CRLF2: variants seen among roughly 807,000 people sequenced by gnomAD.
CRLF2 encodes the protein cytokine receptor-like factor 2.
In CRLF2, 41 loss-of-function variants were observed where a neutral mutation model predicts 38.7. The observed-to-expected ratio is 1.06, with a 90% CI of 0.83 to 1.37. The LOEUF (loss-of-function observed/expected upper bound fraction) is 1.37, where lower values mean the gene tolerates loss of function less well. Among genes scored for constraint, CRLF2 ranks in the 40% most tolerant of loss-of-function variants. The probability of loss-of-function intolerance (pLI) is 0.00; values close to 1 mark genes in which losing one functional copy is unlikely to be tolerated. For missense variants in CRLF2, 377 were observed against 322.2 expected (o/e 1.17, Z -1.30); for synonymous variants, 140 against 128.8 (o/e 1.09, Z -0.59).
intron 6 of CRLF2, among the ~76,000 whole-genome samples, chrX:1,194,297 A>AT (rs1383558428): frequency 1.3e-5 from 2 of 151,084 alleles, no homozygotes; most frequent in African/African-American, 2.4e-5. Flanking sequence ...CTCAAAAAAA[A>AT]CAAAATATAC....
chrX:1,209,265 C>CGTATTGTATT (rs1476536872), intron 1 of CRLF2, among the ~76,000 whole-genome samples: 1 of 146,634 alleles, frequency 6.8e-6, no homozygotes, highest in Non-Finnish European at 1.5e-5. Flanking sequence ...CCGCGCCTGA[C>CGTATTGTATT]GTATTGTATT....
chrX:1,194,319 G>C (rs1480575582), intron 6 of CRLF2, among the ~76,000 whole-genome samples: 2 of 151,094 alleles, frequency 1.3e-5, no homozygotes, highest in African/African-American at 4.9e-5. Flanking sequence ...AAAATTAGCC[G>C]GGTGTGGTGG....
At chrX:1,192,482 G>A (rs2086401862) in intron 7 of CRLF2, among the ~76,000 whole-genome samples, 1 of 151,808 alleles carries the variant, frequency 6.6e-6, no homozygotes, top group Non-Finnish European at 1.5e-5. Context: ...CAGGTGTGGT[G>A]GCGGGCGCCT....
Position 1,212,416 on chromosome X carries a change from C to CGG in CRLF2, c.79+138_79+139dup, listed in dbSNP as rs1556427506. ...CTGAGGCAGGAGAATTGCTTGAACC[C>CGG]GGAAAAAAAAAAAAAAAAAAAAGAA... On this transcript the variant is annotated intron_variant, in intron 1 of 7. Coordinates refer to ENST00000400841, the MANE Select transcript of CRLF2 (RefSeq NM_022148.4). 1.2e-5 allele frequency: 7 copies of CGG among 563,710 alleles called. No individual in the cohort carries two copies. In the East Asian group the frequency reaches 2.1e-4, roughly 17 times the overall value. 34.9% of individuals were successfully genotyped at this position (563,710 alleles called of 1,614,324 possible). A position where few individuals can be genotyped will look rare whatever the true frequency, so the allele number is the denominator to read the frequency against.
chrX:1,192,141 C>T (rs1388168380), intron 7 of CRLF2, among the ~76,000 whole-genome samples: 13 of 131,122 alleles, frequency 9.9e-5, no homozygotes, highest in Non-Finnish European at 2.0e-4. Flanking sequence ...GGAGGTGGAG[C>T]TTGCAGTGAG....
At chrX:1,210,863 G>A (rs1459023797) in intron 1 of CRLF2, among the ~76,000 whole-genome samples, 4 of 152,184 alleles carry the variant, frequency 2.6e-5, no homozygotes, top group Non-Finnish European at 4.4e-5. Flanking sequence ...GAAGACAAGT[G>A]GATGGGTGGG....
intron 4 of CRLF2, among the ~76,000 whole-genome samples, chrX:1,201,638 T>C (rs1478134175): frequency 1.6e-4 from 23 of 144,522 alleles, no homozygotes; most frequent in Non-Finnish European, 3.2e-4. Context: ...GAGAGATAAA[T>C]AGATGATACA....
At chrX:1,212,530 C>G (rs770850749) in intron 1 of CRLF2, 26 bp downstream of exon 1, 5 of 1,577,618 alleles carry the variant, frequency 3.2e-6, no homozygotes, top group Non-Finnish European at 4.3e-6. Context: ...CAAAATACAA[C>G]AAGAAGAGGG....
rs1218430875 is a variant in CRLF2 at position 1,191,088 on chromosome X, C to T, written c.925G>A (p.Glu309Lys). The T allele has an allele frequency of 5.8e-4, 231 of 398,504 alleles. No individual in the cohort carries two copies. Among genetic ancestry groups the T allele is most frequent in the Non-Finnish European group, 8.3e-4 (187 of 226,126 alleles). The allele number at this position is 398,504 out of a possible 1,614,324, so 24.7% of individuals were successfully genotyped here. ...MAGAEQESGPEEPLVVQLAKT... is the reference protein window; with the variant it reads ...MAGAEQESGPKEPLVVQLAKT... Reference sequence around the variant, plus strand: ...GCCAACTGGACTACCAGGGGCTCCTCGGGGCCACTTTCTTGCTCTGCACCT... The same window carrying T: ...GCCAACTGGACTACCAGGGGCTCCTTGGGGCCACTTTCTTGCTCTGCACCT... The change falls in exon 8 of 8, where the codon GAG becomes AAG. Residue 309 changes from glutamate (E) to lysine (K), a missense_variant. Physicochemically the swap from Glu to Lys is moderately conservative, Grantham distance 56. Transcript: ENST00000400841.
In CRLF2 at chrX:1,197,940, T is replaced by G. The variant is rs1361698670; in HGVS notation, c.646+622A>C. Among the ~76,000 whole-genome samples the G allele has an allele frequency of 2.0e-5, 3 of 152,186 alleles. No homozygotes were observed. The East Asian group carries it at 5.8e-4, about 29-fold the overall frequency. On this transcript the variant is annotated intron_variant, in intron 5 of 7. Coordinates refer to ENST00000400841, the MANE Select transcript of CRLF2 (RefSeq NM_022148.4). ...TCGATTGAACGTGGGAGACAGATGT[T>G]GCAGGGAGCCGAGATCGCGCCACTG...
chrX:1,210,842 G>T (rs1215179460), intron 1 of CRLF2, among the ~76,000 whole-genome samples: 4 of 152,200 alleles, frequency 2.6e-5, no homozygotes, highest in Non-Finnish European at 5.9e-5. Context: ...GGACAGGTGG[G>T]TGTATAGGTG....
Position 1,198,562 on chromosome X carries a change from C to A in CRLF2, c.646G>T (p.Asp216Tyr). ...VTCWQRGEIRDACAETPTPPK... is the reference protein window; with the variant it reads ...VTCWQRGEIRYACAETPTPPK... ...GACACTGCCGCGTAACAAGCATTAC[C>A]CCGAATCTCGCCTCTCTGCCAGCAT... Residue 216 changes from aspartate to tyrosine, a missense_variant and splice_region_variant, in exon 5 of 8, where the codon GAT (aspartate) becomes TAT (tyrosine). Transcript: ENST00000400841. 1 of 1,613,638 alleles carries A rather than the reference C, an allele frequency of 6.2e-7. No homozygotes were observed. Among genetic ancestry groups the A allele is most frequent in the Non-Finnish European group, 8.5e-7 (1 of 1,179,664 alleles).
At chrX:1,202,122 A>C (rs2086619001) in intron 4 of CRLF2, among the ~76,000 whole-genome samples, 1 of 152,120 alleles carries the variant, frequency 6.6e-6, no homozygotes, top group East Asian at 1.9e-4. Flanking sequence ...GAGATAAAAT[A>C]GAATGATATA....
chrX:1,190,508 A>C lies in CRLF2; in HGVS notation c.*389T>G, dbSNP rs1397166416. ...AGACTCTGTCTCAAAACAGACAAAA[A>C]ATCCTCCGAGAATCCAATGCTATGG... On this transcript the variant is annotated 3_prime_UTR_variant, in exon 8 of 8. Coordinates refer to ENST00000400841, the MANE Select transcript of CRLF2 (RefSeq NM_022148.4). 0.034 allele frequency: 8,778 copies of C among 257,840 alleles called. 697 individuals are homozygous for C. The highest frequency in any genetic ancestry group is 0.17 in the African/African-American group (8,098 of 46,322). The allele number at this position is 257,840 out of a possible 1,614,324, so 16.0% of individuals were successfully genotyped here.
chrX:1,202,131 T>C (rs1341112597), intron 4 of CRLF2, among the ~76,000 whole-genome samples: 3 of 151,806 alleles, frequency 2.0e-5, no homozygotes, highest in Non-Finnish European at 4.4e-5. Context: ...TAGAATGATA[T>C]AGATAGATTG....
intron 4 of CRLF2, among the ~76,000 whole-genome samples, chrX:1,201,984 A>G (rs2086616477): frequency 7.7e-6 from 1 of 130,520 alleles, no homozygotes; most frequent in African/African-American, 2.5e-5. Flanking sequence ...AGATTGAAAG[A>G]CAGAGATAGA....
intron 7 of CRLF2, among the ~76,000 whole-genome samples, chrX:1,192,333 G>C (rs1190139067): frequency 6.6e-6 from 1 of 151,636 alleles, no homozygotes; most frequent in Non-Finnish European, 1.5e-5. Context: ...TCAACACATA[G>C]GACACAAAAA....
At chrX:1,194,435 C>G (rs2147823168) in intron 6 of CRLF2, among the ~76,000 whole-genome samples, 1 of 152,222 alleles carries the variant, frequency 6.6e-6, no homozygotes, top group East Asian at 1.9e-4. Flanking sequence ...GCACTCCAGC[C>G]TGGGTGACAG....
intron 7 of CRLF2, among the ~76,000 whole-genome samples, chrX:1,192,756 C>G (rs1415033631): frequency 2.6e-5 from 3 of 113,936 alleles, no homozygotes; most frequent in Non-Finnish European, 5.5e-5. Context: ...TTCTTTCTTT[C>G]TTTCTTTCTT....
Sources: gnomAD v4.1 joint callset for allele counts (sites outside exome capture counted in the v4.1 genomes callset) on GRCh38, gnomAD v4.1.1 for gene constraint, MANE v1.5 for transcripts, NCBI Gene and HGNC (gene_info 2026-07-23, HGNC 2026-07-21) for gene names.